The following RMDN2 variants were observed in gnomAD, a reference collection of about 807,000 sequenced individuals.
The protein encoded by RMDN2 is regulator of microtubule dynamics protein 2.
Under a neutral mutation model 52.8 loss-of-function variants are expected in RMDN2, and 61 were observed. That is an observed-to-expected ratio of 1.16 (90% CI 0.94 to 1.43). The LOEUF is 1.43. Ranked by LOEUF, RMDN2 falls within the 40% of genes most tolerant of loss-of-function variation. RMDN2 has a pLI of 0.00. For synonymous variants in RMDN2, 180 were observed against 153.1 expected, an observed-to-expected ratio of 1.18 and a Z score of -1.30; for missense variants, 592 against 475.3, an observed-to-expected ratio of 1.25 and a Z score of -2.28.
intron 10 of RMDN2, among the ~76,000 whole-genome samples, chr2:38,043,828 T>C (rs1681109111): frequency 6.6e-6 from 1 of 152,064 alleles, no homozygotes; most frequent in African/African-American, 2.4e-5. Flanking sequence ...TCATTTTCCT[T>C]ATCCATATGC....
chr2:38,037,973 T>C (rs892978326), intron 10 of RMDN2, among the ~76,000 whole-genome samples: 17 of 152,254 alleles, frequency 1.1e-4, no homozygotes, highest in African/African-American at 4.1e-4. Flanking sequence ...CGAAACTCGG[T>C]GTTCTGTAGC....
At chr2:37,940,376 C>T (rs1667682973) in intron 2 of RMDN2, among the ~76,000 whole-genome samples, 1 of 152,056 alleles carries the variant, frequency 6.6e-6, no homozygotes, top group African/African-American at 2.4e-5. Context: ...TTTCCCTTCT[C>T]GAGGAGTAGC....
intron 2 of RMDN2, among the ~76,000 whole-genome samples, chr2:37,941,280 G>GA (rs1043788228): frequency 0.037 from 3 of 82 alleles, no homozygotes; most frequent in East Asian, 0.25. Flanking sequence ...TCATCCCAGA[G>GA]GGCACCCGCC....
At chr2:37,965,254 T>C (rs1027331557) in intron 2 of RMDN2, among the ~76,000 whole-genome samples, 1 of 152,110 alleles carries the variant, frequency 6.6e-6, no homozygotes, top group Admixed American at 6.5e-5. Context: ...AAAGGACTTA[T>C]TATTTCATTT....
chr2:38,014,699 C>A (rs1250320274), intron 10 of RMDN2, among the ~76,000 whole-genome samples: 1 of 152,126 alleles, frequency 6.6e-6, no homozygotes, highest in African/African-American at 2.4e-5. Flanking sequence ...TGAAATAAAT[C>A]TATATTTTTG....
At chr2:37,966,390 C>G (rs1378793669) in intron 2 of RMDN2, among the ~76,000 whole-genome samples, 1 of 151,476 alleles carries the variant, frequency 6.6e-6, no homozygotes, top group East Asian at 1.9e-4. Flanking sequence ...GCATTCCAGC[C>G]TGGGCAACAG....
Position 37,929,351 on chromosome 2 carries a change from TGTG to T in RMDN2, c.77_79del (p.Trp26del), listed in dbSNP as rs1269459129. The T allele has an allele frequency of 6.4e-7, 1 of 1,552,042 alleles. No individual in the cohort carries two copies. Among genetic ancestry groups the T allele is most frequent in the South Asian group, 1.2e-5 (1 of 84,060 alleles). ...ACTGCTGGAATCAGCTTGCTGCTCT[TGTG>T]GTACCACAAGGTCCGTAAACCAGGG... On this transcript the variant is annotated inframe_deletion, in exon 2 of 11. Transcript: ENST00000354545.
intron 2 of RMDN2, among the ~76,000 whole-genome samples, chr2:37,936,185 G>A (rs1667271581): frequency 1.3e-5 from 2 of 152,166 alleles, no homozygotes; most frequent in African/African-American, 2.4e-5. Context: ...TGCTGAGAAT[G>A]GTGGTTTCCA....
chr2:37,951,239 C>T (rs1558459253), intron 2 of RMDN2: 1 of 1,580,728 alleles, frequency 6.3e-7, no homozygotes. Flanking sequence ...TTAGCTGCTG[C>T]AAAGAGGACC....
chr2:38,007,398 G>T (rs146217313), intron 10 of RMDN2, among the ~76,000 whole-genome samples: 1 of 151,986 alleles, frequency 6.6e-6, no homozygotes, highest in African/African-American at 2.4e-5. Context: ...TTATTGGTCT[G>T]TTAAGAGATT....
intron 5 of RMDN2, among the ~76,000 whole-genome samples, chr2:37,982,314 T>TA (rs1282082536): frequency 6.6e-6 from 1 of 152,176 alleles, no homozygotes; most frequent in South Asian, 2.1e-4. Flanking sequence ...AACTCTCACT[T>TA]AAAATTCCCT....
Position 38,017,737 on chromosome 2 carries a change from C to A in RMDN2, c.*498C>A. ...AAAATTACAATAAAATACTGTTTTA[C>A]CATCAAACTAGCTTTCACTCGTGTC... On this transcript the variant is annotated 3_prime_UTR_variant, in exon 11 of 11. Coordinates refer to ENST00000354545, the MANE Select transcript of RMDN2 (RefSeq NM_001170791.3). The A allele has an allele frequency of 2.9e-6, 1 of 346,962 alleles. No individual in the cohort carries two copies. The allele number at this position is 346,962 out of a possible 1,614,324, so 21.5% of individuals were successfully genotyped here.
At chr2:38,031,945 C>T (rs1238006990) in intron 10 of RMDN2, among the ~76,000 whole-genome samples, 1 of 152,156 alleles carries the variant, frequency 6.6e-6, no homozygotes, top group East Asian at 1.9e-4. Flanking sequence ...TACAACAAAG[C>T]AGATTGTGCA....
At chr2:37,950,532 G>T in intron 2 of RMDN2, 2 of 1,613,026 alleles carry the variant, frequency 1.2e-6, no homozygotes, top group Non-Finnish European at 1.7e-6. Flanking sequence ...GCTTAAGGAT[G>T]ACGGCCTAGA....
At chr2:37,939,122 C>G (rs995311403) in intron 2 of RMDN2, among the ~76,000 whole-genome samples, 6 of 152,126 alleles carry the variant, frequency 3.9e-5, no homozygotes, top group African/African-American at 1.4e-4. Flanking sequence ...TTTCAAATAA[C>G]TTATTTATTC....
At position 38,055,246 on chromosome 2, in the gene RMDN2, G is replaced by A. The variant is rs75492719; in HGVS notation, c.1714-11736G>A. ...GTCACATCTTGCAGTCAAAGTTGCC[G>A]TTCTAAAGCACTTGCCTGTTTTAAT... On this transcript the variant is annotated intron_variant, in intron 10 of 10. Transcript: ENST00000234195. 5.0e-4 allele frequency among the ~76,000 whole-genome samples: 76 copies of A among 151,708 alleles called. 1 individual carries two copies. Among genetic ancestry groups the A allele is most frequent in the African/African-American group, 1.7e-3 (70 of 41,332 alleles).
At chr2:37,964,592 G>A (rs1406004633) in intron 2 of RMDN2, among the ~76,000 whole-genome samples, 2 of 152,024 alleles carry the variant, frequency 1.3e-5, no homozygotes, top group Non-Finnish European at 2.9e-5. Flanking sequence ...CTTATTTCGT[G>A]GCCTAATATA....
At chr2:38,010,584 A>G (rs1205101541) in intron 10 of RMDN2, among the ~76,000 whole-genome samples, 1 of 152,108 alleles carries the variant, frequency 6.6e-6, no homozygotes, top group Non-Finnish European at 1.5e-5. Flanking sequence ...GGTGGGAGTG[A>G]CCCGATCTTC....
intron 4 of RMDN2, among the ~76,000 whole-genome samples, chr2:37,980,194 A>C (rs1456124087): frequency 6.6e-6 from 1 of 152,198 alleles, no homozygotes; most frequent in Non-Finnish European, 1.5e-5. Context: ...AGAAGTTATA[A>C]AACAAAAGGG....
Sources: allele counts gnomAD v4.1 joint callset (sites outside exome capture counted in the v4.1 genomes callset), GRCh38; gene constraint gnomAD v4.1.1; transcripts MANE v1.5; gene names NCBI Gene and HGNC (gene_info 2026-07-23, HGNC 2026-07-21).